Variants in SMYD3 observed in about 807,000 individuals in gnomAD.
SMYD3 encodes SET and MYND domain containing 3, also known as histone-lysine N-methyltransferase SMYD3.
A neutral mutation model predicts 57.7 loss-of-function variants in SMYD3; 36 were observed. The observed-to-expected ratio is 0.62, with a 90% CI of 0.48 to 0.82. The LOEUF is 0.82. SMYD3 is among the 40% of genes least tolerant of loss of function. The probability of loss-of-function intolerance (pLI) is 0.00; values close to 1 mark genes in which losing one functional copy is unlikely to be tolerated. For missense variants in SMYD3, 515 were observed against 538.8 expected, an observed-to-expected ratio of 0.96 and a Z score of 0.44; for synonymous variants, 211 against 195.0, an observed-to-expected ratio of 1.08 and a Z score of -0.68.
At chr1:245,961,539 A>AAACAGAAC (rs60094354) in intron 5 of SMYD3, among the ~76,000 whole-genome samples, 1 of 152,154 alleles carries the variant, frequency 6.6e-6, no homozygotes, top group Non-Finnish European at 1.5e-5. Flanking sequence ...CTGGAGGCCT[A>AAACAGAAC]AATCATCCTT....
At chr1:245,866,365 T>C (rs202218561) in intron 8 of SMYD3, among the ~76,000 whole-genome samples, 13,935 of 96,774 alleles carry the variant, frequency 0.14, 825 homozygotes, top group East Asian at 0.47. Flanking sequence ...TAGGTGCACT[T>C]TTTTTTTTTA....
chr1:245,808,578 C>T (rs573703893), intron 10 of SMYD3, among the ~76,000 whole-genome samples: 1 of 152,300 alleles, frequency 6.6e-6, no homozygotes, highest in African/African-American at 2.4e-5. Context: ...TGAGGCTGGC[C>T]ACTTTCCCCT....
intron 5 of SMYD3, among the ~76,000 whole-genome samples, chr1:246,323,783 TAAAA>T (rs1402583171): frequency 6.6e-6 from 1 of 151,812 alleles, no homozygotes; most frequent in Non-Finnish European, 1.5e-5. Flanking sequence ...AATAAATAAA[TAAAA>T]GTCTGCTGTA....
chr1:245,929,860 T>C lies in SMYD3; in HGVS notation c.599+10A>G. ...GTGTCTTCCAGTACATGAAGTACCATACACCATACCTGGGATATAGGCCAA... is the reference window on the plus strand; with the variant it reads ...GTGTCTTCCAGTACATGAAGTACCACACACCATACCTGGGATATAGGCCAA... On this transcript the variant is annotated intron_variant, in intron 6 of 11. Transcript: ENST00000490107. 6.2e-7 allele frequency: 1 copy of C among 1,607,398 alleles called. No homozygotes were observed.
At chr1:246,180,907 T>C (rs2062540299) in intron 5 of SMYD3, among the ~76,000 whole-genome samples, 1 of 150,150 alleles carries the variant, frequency 6.7e-6, no homozygotes, top group South Asian at 2.1e-4. Context: ...GAAAGAGGCG[T>C]AAGGAGCCAT....
At chr1:246,061,002 C>T (rs1033044640) in intron 5 of SMYD3, among the ~76,000 whole-genome samples, 2 of 151,570 alleles carry the variant, frequency 1.3e-5, no homozygotes, top group Admixed American at 6.6e-5. Context: ...CCGAGGCGGG[C>T]GGATCATGAG....
chr1:245,800,427 GT>G lies in SMYD3; in HGVS notation c.1077-36279del, dbSNP rs575806493. ...CTAGTGATAGGGTTATATATGCTGGGTTTTTTTTTTAAATAATGCTATATCT... is the reference window on the plus strand; with the variant it reads ...CTAGTGATAGGGTTATATATGCTGGGTTTTTTTTTAAATAATGCTATATCT... On this transcript the variant is annotated intron_variant, in intron 10 of 11. Coordinates refer to ENST00000490107, the MANE Select transcript of SMYD3 (RefSeq NM_001167740.2). Among the ~76,000 whole-genome samples the G allele has an allele frequency of 2.6e-4, 38 of 148,938 alleles. No individual in the cohort carries two copies. The South Asian group carries it at 3.7e-3, about 14-fold the overall frequency.
chr1:246,190,353 A>G (rs532724079), intron 5 of SMYD3, among the ~76,000 whole-genome samples: 2 of 152,246 alleles, frequency 1.3e-5, no homozygotes, highest in East Asian at 1.9e-4. Flanking sequence ...CTGGGAGGCC[A>G]AGGAGGGTGG....
chr1:245,979,630 C>A (rs958959128), intron 5 of SMYD3, among the ~76,000 whole-genome samples: 1 of 152,118 alleles, frequency 6.6e-6, no homozygotes, highest in African/African-American at 2.4e-5. Flanking sequence ...AGGAGCTCAC[C>A]CTGCCCACAC....
intron 5 of SMYD3, among the ~76,000 whole-genome samples, chr1:246,002,261 T>C (rs998593057): frequency 2.9e-5 from 4 of 138,532 alleles, no homozygotes; most frequent in South Asian, 2.5e-4. Flanking sequence ...CTCGGCTCAC[T>C]GCAAGCTCCG....
intron 8 of SMYD3, among the ~76,000 whole-genome samples, chr1:245,884,135 T>G (rs970330610): frequency 1.3e-5 from 2 of 152,290 alleles, no homozygotes; most frequent in South Asian, 4.1e-4. Flanking sequence ...CCACCATATC[T>G]TCTTAAAAAA....
At chr1:245,845,012 C>T (rs1016164680) in intron 10 of SMYD3, among the ~76,000 whole-genome samples, 5 of 152,178 alleles carry the variant, frequency 3.3e-5, no homozygotes, top group African/African-American at 9.6e-5. Context: ...AAGACTTTTC[C>T]GTGTACCCCT....
At chr1:245,967,482 A>G (rs1182364356) in intron 5 of SMYD3, among the ~76,000 whole-genome samples, 2 of 152,206 alleles carry the variant, frequency 1.3e-5, no homozygotes, top group Admixed American at 1.3e-4. Context: ...AGAAAAGTCA[A>G]ATGCATAGGG....
intron 5 of SMYD3, among the ~76,000 whole-genome samples, chr1:246,089,784 C>T (rs2060789521): frequency 6.6e-6 from 1 of 152,042 alleles, no homozygotes; most frequent in South Asian, 2.1e-4. Context: ...ACCGGCTGTT[C>T]CTACCCCAAA....
chr1:246,106,594 A>G (rs1312788162), intron 5 of SMYD3, among the ~76,000 whole-genome samples: 1 of 152,202 alleles, frequency 6.6e-6, no homozygotes, highest in Non-Finnish European at 1.5e-5. Flanking sequence ...GAGAAGTCCT[A>G]ATATACCGAG....
intron 5 of SMYD3, among the ~76,000 whole-genome samples, chr1:246,291,182 TAAC>T (rs2064682907): frequency 6.6e-6 from 1 of 152,192 alleles, no homozygotes; most frequent in South Asian, 2.1e-4. Flanking sequence ...TACAGCTTGC[TAAC>T]AAATTAGGGA....
At chr1:245,940,614 C>T (rs1288803159) in intron 5 of SMYD3, among the ~76,000 whole-genome samples, 3 of 151,664 alleles carry the variant, frequency 2.0e-5, no homozygotes, top group Non-Finnish European at 1.5e-5. Flanking sequence ...CCACTACCAC[C>T]GACATCATCA....
intron 5 of SMYD3, among the ~76,000 whole-genome samples, chr1:245,961,331 G>A (rs75888401): frequency 3.7e-4 from 56 of 152,088 alleles, no homozygotes; most frequent in East Asian, 1.4e-3. Flanking sequence ...AAGATATCTC[G>A]GTAAGAACTC....
intron 1 of SMYD3, among the ~76,000 whole-genome samples, chr1:246,483,019 T>A (rs1007427429): frequency 2.6e-5 from 4 of 152,210 alleles, no homozygotes; most frequent in Non-Finnish European, 5.9e-5. Context: ...CAGCACCAGG[T>A]TGAGCTCATT....
Sources: gnomAD v4.1 joint callset for allele counts (sites outside exome capture counted in the v4.1 genomes callset) on GRCh38, gnomAD v4.1.1 for gene constraint, MANE v1.5 for transcripts, NCBI Gene and HGNC (gene_info 2026-07-23, HGNC 2026-07-21) for gene names.